The following PNPLA2 variants were observed in gnomAD, a reference collection of about 807,000 sequenced individuals.
The protein encoded by PNPLA2 is patatin-like phospholipase domain-containing protein 2.
A neutral mutation model predicts 39.7 loss-of-function variants in PNPLA2; 28 were observed. The observed-to-expected ratio is 0.70, with a 90% confidence interval of 0.52 to 0.97. PNPLA2 has a LOEUF of 0.97. Among genes scored for constraint, PNPLA2 ranks in the 50% least tolerant of loss-of-function variants. PNPLA2 has a pLI of 0.00. For missense variants in PNPLA2, 768 were observed against 698.2 expected, an observed-to-expected ratio of 1.10 and a Z score of -1.13; for synonymous variants, 392 against 321.1, an observed-to-expected ratio of 1.22 and a Z score of -2.36.
rs1280103738 is a variant in PNPLA2 at position 823,587 on chromosome 11, G to A, written c.757G>A (p.Gly253Ser). The change falls in exon 6 of 10, where the codon GGC (glycine) becomes AGC (serine). Residue 253 changes from glycine to serine, a missense_variant and splice_region_variant. Physicochemically the swap from Gly to Ser is moderately conservative, Grantham distance 56. Transcript: ENST00000336615. ...RDGLRFLQRNGLLNRPNPLLA... is the reference protein window; with the variant it reads ...RDGLRFLQRNSLLNRPNPLLA... ...TGGCCTGCGCTTTCTGCAGCGGAAC[G>A]GTGCGCGGACCCGGGCGGGAGAGGG... 1 of 1,610,250 alleles carries A rather than the reference G, an allele frequency of 6.2e-7. No individual in the cohort carries two copies. The highest frequency in any genetic ancestry group is 8.5e-7 in the Non-Finnish European group (1 of 1,178,808).
chr11:823,985 C>T lies in PNPLA2; in HGVS notation c.920-13C>T, dbSNP rs752531051. 40 of 1,596,128 alleles carry T rather than the reference C, an allele frequency of 2.5e-5. No individual in the cohort carries two copies. The South Asian group carries it at 3.6e-4, about 14-fold the overall frequency. ...CTGCCTCCACTGGCCGCCGACCTCC[C>T]GCCCACCCGCAGCCCTGCTGGAGGC... On this transcript the variant is annotated splice_polypyrimidine_tract_variant and intron_variant, in intron 7 of 9. Coordinates refer to ENST00000336615, the MANE Select transcript of PNPLA2 (RefSeq NM_020376.4).
intron 8 of PNPLA2, 80 bp from the exon 9 acceptor site, chr11:824,234 G>A (rs1308962666): frequency 6.5e-7 from 1 of 1,548,396 alleles, no homozygotes; most frequent in Non-Finnish European, 8.7e-7. Flanking sequence ...GCAGTGCCAA[G>A]TCAGGGCACA....
Position 823,687 on chromosome 11 carries a change from A to G in PNPLA2, c.758-7A>G, listed in dbSNP as rs750122869. On this transcript the variant is annotated splice_polypyrimidine_tract_variant and splice_region_variant and intron_variant, in intron 6 of 9. Transcript: ENST00000336615. ...GAACTGAGAATCCCTTCTCTCCCCA[A>G]CCCCAGGCCTCCTGAACCGGCCCAA... is the stretch of plus-strand genomic sequence containing the variant. 7.5e-6 allele frequency: 12 copies of G among 1,605,188 alleles called. No homozygotes were observed. The highest frequency in any genetic ancestry group is 1.0e-5 in the Non-Finnish European group (12 of 1,176,646).
Position 824,645 on chromosome 11 carries a change from T to A in PNPLA2, c.1298T>A (p.Leu433Gln). The A allele has an allele frequency of 6.3e-7, 1 of 1,597,592 alleles. No homozygotes were observed. Among genetic ancestry groups the A allele is most frequent in the Non-Finnish European group, 8.5e-7 (1 of 1,177,404 alleles). ...MRNNLSLGDALAKWEECQRQL... is the reference protein window; with the variant it reads ...MRNNLSLGDAQAKWEECQRQL... ...AACAACCTCTCGCTGGGGGACGCGC[T>A]GGCCAAGTGGGAGGAGTGCCAGCGC... is the stretch of plus-strand genomic sequence containing the variant. Residue 433 changes from leucine to glutamine, a missense_variant, in exon 10 of 10, where the codon CTG becomes CAG. Physicochemically the swap from Leu to Gln is moderately radical, Grantham distance 113. Transcript: ENST00000336615.
In PNPLA2 at chr11:819,711, C is replaced by G. The variant is rs753326446; in HGVS notation, c.-8C>G. ...CACGGAACCCGGGGCCCGGCGGCCG[C>G]CGCCGCGATGTTTCCCCGCGAGAAG... is the stretch of plus-strand genomic sequence containing the variant. On this transcript the variant is annotated 5_prime_UTR_variant, in exon 2 of 10. Coordinates refer to ENST00000336615, the MANE Select transcript of PNPLA2 (RefSeq NM_020376.4). The G allele has an allele frequency of 2.0e-5, 30 of 1,480,244 alleles. No individual in the cohort carries two copies. In the Admixed American group the frequency reaches 2.8e-4, roughly 14 times the overall value. 91.7% of individuals were successfully genotyped at this position (1,480,244 alleles called of 1,614,324 possible).
At chr11:822,100 C>A in intron 4 of PNPLA2, 77 bp downstream of exon 4, 1 of 1,340,342 alleles carries the variant, frequency 7.5e-7, no homozygotes, top group Non-Finnish European at 1.1e-6. Flanking sequence ...CCGCCTAGAG[C>A]CATCCTTCAG....
Position 824,827 on chromosome 11 carries a change from G to A in PNPLA2, c.1480G>A (p.Glu494Lys), listed in dbSNP as rs1375873536. The A allele has an allele frequency of 2.0e-6, 3 of 1,534,862 alleles. No individual in the cohort carries two copies. Among genetic ancestry groups the A allele is most frequent in the Admixed American group, 2.0e-5 (1 of 50,928 alleles). ...CCCCTTGCTGAGCACCCCTGCTCCC[G>A]AGGCCCGGCCCGTGATCGGGGCCCT... The part of the protein sequence containing the change: ...PAPLLSTPAP[E>K]ARPVIGALGL Residue 494 changes from glutamate (E) to lysine (K), a missense_variant, in exon 10 of 10, where the codon GAG becomes AAG. Coordinates refer to ENST00000336615, the MANE Select transcript of PNPLA2 (RefSeq NM_020376.4).
At chr11:821,165 G>A in intron 2 of PNPLA2, 1 of 228,644 alleles carries the variant, frequency 4.4e-6, no homozygotes, top group Non-Finnish European at 8.9e-6. Flanking sequence ...CTTGGCTGCA[G>A]TGGGACACAG....
At chr11:820,290 T>C (rs1414857970) in intron 2 of PNPLA2, among the ~76,000 whole-genome samples, 1 of 152,204 alleles carries the variant, frequency 6.6e-6, no homozygotes, top group African/African-American at 2.4e-5. Context: ...GTCCTGGGCT[T>C]CCGCAGTTGC....
chr11:823,872 C>G lies in PNPLA2; in HGVS notation c.919+17C>G. On this transcript the variant is annotated intron_variant, in intron 7 of 9. Coordinates refer to ENST00000336615, the MANE Select transcript of PNPLA2 (RefSeq NM_020376.4). ...TCAATGAGGGTGCGCACCTGGGGGA[C>G]GGGAGGGGAGGAGGGGAGGCAGGAG... The G allele has an allele frequency of 6.4e-7, 1 of 1,571,920 alleles. No individual in the cohort carries two copies. The highest frequency in any genetic ancestry group is 1.2e-5 in the South Asian group (1 of 86,732).
In PNPLA2 at chr11:824,035, G is replaced by C. The variant is rs1374254862; in HGVS notation, c.957G>C (p.Leu319=). The C allele has an allele frequency of 6.2e-7, 1 of 1,610,618 alleles. No homozygotes were observed. Among genetic ancestry groups the C allele is most frequent in the East Asian group, 2.2e-5 (1 of 44,770 alleles). Residue 319 remains leucine, a synonymous_variant, in exon 8 of 10, where the codon CTG becomes CTC. Coordinates refer to ENST00000336615, the MANE Select transcript of PNPLA2 (RefSeq NM_020376.4). ...LEACVEPTDL[L]TTLSNMLPVR... is the part of the protein sequence containing the mutation. Reference sequence around the variant, plus strand: ...CCTGCGTGGAGCCCACGGACCTGCTGACCACCCTCTCCAACATGCTGCCTG... The same window carrying C: ...CCTGCGTGGAGCCCACGGACCTGCTCACCACCCTCTCCAACATGCTGCCTG...
rs200993304 is a variant in PNPLA2 at position 823,751 on chromosome 11, C to G, written c.815C>G (p.Pro272Arg). Residue 272 changes from proline (P) to arginine (R), a missense_variant, in exon 7 of 10, where the codon CCA (proline) becomes CGA (arginine). Coordinates refer to ENST00000336615, the MANE Select transcript of PNPLA2 (RefSeq NM_020376.4). ...LALPPARPHG[P>R]EDKDQAVESA... ...TTGCCCCCCGCCCGCCCCCACGGCC[C>G]AGAGGACAAGGACCAGGCAGTGGAG... 32 of 1,608,764 alleles carry G rather than the reference C, an allele frequency of 2.0e-5. No homozygotes were observed. The East Asian group carries it at 4.5e-4, about 22-fold the overall frequency.
In PNPLA2 at chr11:824,484, G is replaced by T. The variant is rs780576989; in HGVS notation, c.1176-39G>T. 5 of 1,545,434 alleles carry T rather than the reference G, an allele frequency of 3.2e-6. No individual in the cohort carries two copies. The Admixed American group carries it at 9.8e-5, about 30-fold the overall frequency. ...ACCCGGGGCCCGCGGTGCTAGCGCC[G>T]GGAGCTGAAGCCCTCCCTGCCGCAT... On this transcript the variant is annotated intron_variant, in intron 9 of 9. Coordinates refer to ENST00000336615, the MANE Select transcript of PNPLA2 (RefSeq NM_020376.4).
At chr11:819,530 T>C in intron 1 of PNPLA2, 44 bp from the exon 2 acceptor site, 1 of 1,265,616 alleles carries the variant, frequency 7.9e-7, no homozygotes, top group Non-Finnish European at 1.0e-6. Flanking sequence ...GCCCCCGCCG[T>C]GAGTCCCACA....
chr11:823,907 G>A (rs1250304222), intron 7 of PNPLA2, 52 bp downstream of exon 7: 1 of 1,551,928 alleles, frequency 6.4e-7, no homozygotes, highest in Non-Finnish European at 8.7e-7. Context: ...GGGAAAGAGA[G>A]AGAGGAGAGG....
intron 1 of PNPLA2, 77 bp from the exon 2 acceptor site, chr11:819,497 A>C: frequency 1.5e-5 from 18 of 1,222,658 alleles, no homozygotes; most frequent in East Asian, 1.1e-4. Flanking sequence ...GCGCGCCCCG[A>C]TTGGTCTTCG....
chr11:824,945 G>A lies in PNPLA2; in HGVS notation c.*83G>A, dbSNP rs1845839934. 2 of 1,209,718 alleles carry A rather than the reference G, an allele frequency of 1.7e-6. No individual in the cohort carries two copies. Among genetic ancestry groups the A allele is most frequent in the Non-Finnish European group, 2.4e-6 (2 of 850,156 alleles). The allele number at this position is 1,209,718 out of a possible 1,614,324, so 74.9% of individuals were successfully genotyped here. ...AGATGAGGGGACTCACAGTTGCCAA[G>A]AGGGGTCTTTGCCGTGGGCCCCCTC... is the stretch of plus-strand genomic sequence containing the variant. On this transcript the variant is annotated 3_prime_UTR_variant, in exon 10 of 10. Transcript: ENST00000336615.
intron 2 of PNPLA2, chr11:820,968 C>G (rs1276400840): frequency 1.3e-5 from 2 of 157,424 alleles, no homozygotes; most frequent in Non-Finnish European, 2.8e-5. Flanking sequence ...ACAGCTGGAG[C>G]CCATAGTGCA....
In PNPLA2 at chr11:819,829, G is replaced by T; in HGVS notation, c.111G>T (p.Val37=). Reference sequence around the variant, plus strand: ...TCCGCGAGCACGCGCCCTTCCTGGTGGCCAACGCCACGCACATCTACGGCG... The same window carrying T: ...TCCGCGAGCACGCGCCCTTCCTGGTTGCCAACGCCACGCACATCTACGGCG... ...SCLREHAPFL[V]ANATHIYGAS... Residue 37 remains valine (V), a synonymous_variant, in exon 2 of 10, where the codon GTG becomes GTT. Coordinates refer to ENST00000336615, the MANE Select transcript of PNPLA2 (RefSeq NM_020376.4). The T allele has an allele frequency of 6.7e-7, 1 of 1,492,598 alleles. No individual in the cohort carries two copies. The highest frequency in any genetic ancestry group is 8.9e-7 in the Non-Finnish European group (1 of 1,122,384). 92.5% of individuals were successfully genotyped at this position (1,492,598 alleles called of 1,614,324 possible).
Sources: gnomAD v4.1 joint callset for allele counts (sites outside exome capture counted in the v4.1 genomes callset) on GRCh38, gnomAD v4.1.1 for gene constraint, MANE v1.5 for transcripts, NCBI Gene and HGNC (gene_info 2026-07-23, HGNC 2026-07-21) for gene names.